BBS9: variants seen among roughly 807,000 people sequenced by gnomAD.
BBS9 encodes protein PTHB1.
BBS9 carries 89 observed loss-of-function variants against 117.7 expected under a neutral mutation model. That is an observed-to-expected ratio of 0.76 (90% CI 0.64 to 0.90). The LOEUF (loss-of-function observed/expected upper bound fraction) is 0.90, where lower values mean the gene tolerates loss of function less well. Ranked by LOEUF, BBS9 falls within the 40% of genes least tolerant of loss-of-function variation. The pLI is 0.00. For synonymous variants in BBS9, 379 were observed against 370.9 expected (o/e 1.02, Z -0.25); for missense variants, 982 against 1,042.2 (o/e 0.94, Z 0.80).
intron 4 of BBS9, among the ~76,000 whole-genome samples, chr7:33,163,304 G>A (rs1290794273): frequency 6.6e-6 from 1 of 151,958 alleles, no homozygotes; most frequent in African/African-American, 2.4e-5. Flanking sequence ...TTTTTGCTGT[G>A]TCTCTGCCAG....
At chr7:33,295,910 G>T (rs1805162947) in intron 9 of BBS9, among the ~76,000 whole-genome samples, 1 of 151,944 alleles carries the variant, frequency 6.6e-6, no homozygotes, top group Admixed American at 6.6e-5. Context: ...ACCAAAAAGA[G>T]AAATTTTTCA....
intron 19 of BBS9, among the ~76,000 whole-genome samples, chr7:33,481,520 G>A (rs925396232): frequency 2.0e-5 from 3 of 152,118 alleles, no homozygotes; most frequent in African/African-American, 4.8e-5. Flanking sequence ...ACAAAGCAGT[G>A]TACAAATTTA....
chr7:33,398,957 C>T (rs1207015560), intron 19 of BBS9, among the ~76,000 whole-genome samples: 5 of 152,234 alleles, frequency 3.3e-5, no homozygotes, highest in East Asian at 3.9e-4. Flanking sequence ...AGATTACAGG[C>T]GTGAGCCACT....
rs764237032 is a variant in BBS9 at position 33,349,360 on chromosome 7, G to C, written c.1432+190G>C. 1.6e-5 allele frequency: 10 copies of C among 623,470 alleles called. No individual in the cohort carries two copies. In the African/African-American group the frequency reaches 1.6e-4, roughly 10 times the overall value. The allele number at this position is 623,470 out of a possible 1,614,324, so 38.6% of individuals were successfully genotyped here. ...ATGAACGTTCAATCAATGATTGTTG[G>C]GTCAAATTAATCTTTTACGATTACA... On this transcript the variant is annotated intron_variant, in intron 13 of 22. Coordinates refer to ENST00000242067, the MANE Select transcript of BBS9 (RefSeq NM_198428.3).
At chr7:33,362,352 G>A (rs1820778269) in intron 16 of BBS9, among the ~76,000 whole-genome samples, 1 of 151,902 alleles carries the variant, frequency 6.6e-6, no homozygotes, top group Non-Finnish European at 1.5e-5. Context: ...ATCCAAGGTT[G>A]CAAAGTTTCT....
chr7:33,192,795 C>T (rs1784339336), intron 5 of BBS9, among the ~76,000 whole-genome samples: 1 of 152,196 alleles, frequency 6.6e-6, no homozygotes, highest in Non-Finnish European at 1.5e-5. Flanking sequence ...ATAGATGGCA[C>T]CACCTTGGTG....
intron 21 of BBS9, among the ~76,000 whole-genome samples, chr7:33,633,629 G>A (rs1562548027): frequency 6.6e-6 from 1 of 151,414 alleles, no homozygotes; most frequent in Non-Finnish European, 1.5e-5. Context: ...TTTTACTGCA[G>A]GTAGTGGCTT....
intron 19 of BBS9, among the ~76,000 whole-genome samples, chr7:33,454,218 C>T (rs1838311647): frequency 6.6e-6 from 1 of 152,196 alleles, no homozygotes; most frequent in African/African-American, 2.4e-5. Context: ...TGAAACCCAA[C>T]TTAGATTGGC....
chr7:33,554,245 A>AAGTATTAC (rs1346040422), intron 21 of BBS9, among the ~76,000 whole-genome samples: 1 of 152,174 alleles, frequency 6.6e-6, no homozygotes. Context: ...AAATAGTCTT[A>AAGTATTAC]AGTATTACAG....
At chr7:33,303,907 A>T (rs573157633) in intron 9 of BBS9, among the ~76,000 whole-genome samples, 2 of 152,274 alleles carry the variant, frequency 1.3e-5, no homozygotes, top group South Asian at 4.1e-4. Flanking sequence ...TGCTAAGATT[A>T]CAGCCTCTGC....
intron 21 of BBS9, among the ~76,000 whole-genome samples, chr7:33,611,614 TATTA>T (rs1864869043): frequency 7.3e-6 from 1 of 136,552 alleles, no homozygotes; most frequent in African/African-American, 2.8e-5. Context: ...AATTAATTAA[TATTA>T]ATTATTTAAT....
At chr7:33,476,718 A>G (rs1362733524) in intron 19 of BBS9, among the ~76,000 whole-genome samples, 1 of 152,216 alleles carries the variant, frequency 6.6e-6, no homozygotes, top group Non-Finnish European at 1.5e-5. Flanking sequence ...GTACATACTC[A>G]AAATGGTTTG....
At chr7:33,346,605 C>A (rs571545481) in intron 12 of BBS9, among the ~76,000 whole-genome samples, 162 of 152,206 alleles carry the variant, frequency 1.1e-3, no homozygotes, top group Non-Finnish European at 1.1e-3. Context: ...CACAACTATT[C>A]TTTGTTACTG....
intron 1 of BBS9, among the ~76,000 whole-genome samples, chr7:33,135,321 A>G (rs910920240): frequency 6.6e-6 from 1 of 152,230 alleles, no homozygotes; most frequent in African/African-American, 2.4e-5. Context: ...GCTATACATT[A>G]GCTTATACTT....
At chr7:33,148,642 C>T (rs1012390581) in intron 2 of BBS9, among the ~76,000 whole-genome samples, 25 of 149,240 alleles carry the variant, frequency 1.7e-4, no homozygotes, top group African/African-American at 3.0e-4. Flanking sequence ...GGATTACAGG[C>T]ATGAGCCACT....
At chr7:33,336,396 T>C in intron 9 of BBS9, 45 bp from the exon 10 acceptor site, 1 of 1,505,976 alleles carries the variant, frequency 6.6e-7, no homozygotes, top group Non-Finnish European at 9.2e-7. Flanking sequence ...AGACTAACTC[T>C]ACTGAAATTT....
chr7:33,543,599 T>C (rs569347622), intron 21 of BBS9, among the ~76,000 whole-genome samples: 104 of 152,356 alleles, frequency 6.8e-4, no homozygotes, highest in African/African-American at 2.4e-3. Flanking sequence ...CCTTTATAGG[T>C]TACCTGGTGT....
intron 5 of BBS9, among the ~76,000 whole-genome samples, chr7:33,244,776 T>TCC (rs1795077515): frequency 6.6e-6 from 1 of 152,220 alleles, no homozygotes; most frequent in South Asian, 2.1e-4. Flanking sequence ...TTAGGATGTG[T>TCC]CTGTGAAAGC....
At position 33,411,718 on chromosome 7, in the gene BBS9, GA is replaced by G. The variant is rs1831174383; in HGVS notation, c.2115+23580del. On this transcript the variant is annotated intron_variant, in intron 19 of 22. Transcript: ENST00000242067. ...TGTAAGAATATTTGGGGATACTAGG[GA>G]AAAAACCTCTTAGAATGAATATTAT... Among the ~76,000 whole-genome samples, 6 of 151,958 alleles carry G rather than the reference GA, an allele frequency of 3.9e-5. 1 individual carries two copies. In the South Asian group the frequency reaches 1.2e-3, roughly 32 times the overall value.
Sources: allele counts gnomAD v4.1 joint callset (sites outside exome capture counted in the v4.1 genomes callset), GRCh38; gene constraint gnomAD v4.1.1; transcripts MANE v1.5; gene names NCBI Gene and HGNC (gene_info 2026-07-23, HGNC 2026-07-21).